Variants in OSBPL2 observed in about 807,000 individuals in gnomAD.
OSBPL2 encodes the protein oxysterol binding protein like 2, also known as oxysterol-binding protein-related protein 2.
Under a neutral mutation model 58.4 loss-of-function variants are expected in OSBPL2, and 18 were observed. That is an observed-to-expected ratio of 0.31 (90% CI 0.21 to 0.46). The LOEUF (loss-of-function observed/expected upper bound fraction) is 0.46, where lower values mean the gene tolerates loss of function less well. Among genes scored for constraint, OSBPL2 ranks in the 20% least tolerant of loss-of-function variants. The pLI is 1.00. For missense variants in OSBPL2, 461 were observed against 616.5 expected (o/e 0.75, Z 2.67); for synonymous variants, 221 against 234.1 (o/e 0.94, Z 0.51).
intron 4 of OSBPL2, chr20:62,264,677 A>T (rs1981555215): frequency 6.6e-6 from 1 of 152,078 alleles, no homozygotes; most frequent in South Asian, 2.1e-4. Context: ...TAGACCCACC[A>T]CCCAGCTCCC....
chr20:62,291,464 C>T, intron 12 of OSBPL2: 1 of 530,358 alleles, frequency 1.9e-6, no homozygotes, highest in East Asian at 3.4e-5. Context: ...TGTCGTAGAA[C>T]ACGCAGCACA....
At chr20:62,240,131 GT>G (rs1198803213) in intron 1 of OSBPL2, among the ~76,000 whole-genome samples, 1 of 152,256 alleles carries the variant, frequency 6.6e-6, no homozygotes, top group African/African-American at 2.4e-5. Context: ...AGGATTCCAG[GT>G]GCGAGCCACC....
rs1982196511 is a variant in OSBPL2, at chr20:62,273,465, T to A, written c.491+59T>A. On this transcript the variant is annotated intron_variant, in intron 6 of 13. Transcript: ENST00000313733. Reference sequence around the variant, plus strand: ...TAAATGGAATTCCTTGGATGACAGATAAGTTTGATTCTTTCACTAGCATTG... The same window carrying A: ...TAAATGGAATTCCTTGGATGACAGAAAAGTTTGATTCTTTCACTAGCATTG... The A allele has an allele frequency of 3.2e-6, 4 of 1,265,872 alleles. No individual in the cohort carries two copies. The South Asian group carries it at 5.0e-5, about 16-fold the overall frequency. 78.4% of individuals were successfully genotyped at this position (1,265,872 alleles called of 1,614,324 possible).
At position 62,294,135 on chromosome 20, in the gene OSBPL2, A is replaced by G. The variant is rs1983713743; in HGVS notation, c.*248A>G. The G allele has an allele frequency of 7.2e-6, 4 of 553,380 alleles. No individual in the cohort carries two copies. The highest frequency in any genetic ancestry group is 3.7e-5 in the Admixed American group (1 of 26,844). 34.3% of individuals were successfully genotyped at this position (553,380 alleles called of 1,614,324 possible). On this transcript the variant is annotated 3_prime_UTR_variant, in exon 14 of 14. Coordinates refer to ENST00000313733, the MANE Select transcript of OSBPL2 (RefSeq NM_144498.4). ...TCTTCATTAAGGTTTCAACAGGGAA[A>G]TTCTTCACGGCGCCCTTTTATGTGG...
rs1191839742 is a variant in OSBPL2 at position 62,288,584 on chromosome 20, GAGGCTGTGGGTGCAGAGGCCGA to G, written c.1126-607_1126-586del. ...CGGAGGCTGTGGGTGCAGAGGCTGG[GAGGCTGTGGGTGCAGAGGCCGA>G]AGGCTGTGGGTGCAGGGTGCTGCCG... On this transcript the variant is annotated intron_variant, in intron 11 of 13. Coordinates refer to ENST00000313733, the MANE Select transcript of OSBPL2 (RefSeq NM_144498.4). The surrounding 1 kb of genome is among the most constrained non-coding windows in gnomAD (Gnocchi z 4.8). Among the ~76,000 whole-genome samples, 6 of 151,304 alleles carry G rather than the reference GAGGCTGTGGGTGCAGAGGCCGA, an allele frequency of 4.0e-5. No homozygotes were observed. Among genetic ancestry groups the G allele is most frequent in the South Asian group, 2.1e-4 (1 of 4,804 alleles).
At chr20:62,253,493 C>T (rs113087727) in intron 1 of OSBPL2, among the ~76,000 whole-genome samples, 4,606 of 152,264 alleles carry the variant, frequency 0.03, 97 homozygotes, top group Non-Finnish European at 0.045. Context: ...CTGAGTCATT[C>T]GGTGAGAGCC....
intron 5 of OSBPL2, 108 bp downstream of exon 5, chr20:62,272,367 C>T (rs1218418358): frequency 1.6e-6 from 2 of 1,220,994 alleles, no homozygotes; most frequent in African/African-American, 1.5e-5. Context: ...TCGCACAGCT[C>T]CCCCCAGTGT....
At chr20:62,265,728 A>G (rs1981620019) in intron 4 of OSBPL2, among the ~76,000 whole-genome samples, 2 of 152,180 alleles carry the variant, frequency 1.3e-5, no homozygotes, top group African/African-American at 2.4e-5. Context: ...TTTTTTGTAC[A>G]TTTTTGACTA....
chr20:62,252,709 G>A (rs914468365), intron 1 of OSBPL2, among the ~76,000 whole-genome samples: 1 of 152,240 alleles, frequency 6.6e-6, no homozygotes, highest in Non-Finnish European at 1.5e-5. Flanking sequence ...TAATTAGGTC[G>A]CGGTTCTGCT....
At chr20:62,280,251 GC>G in intron 7 of OSBPL2, 2 of 584,098 alleles carry the variant, frequency 3.4e-6, no homozygotes, top group Non-Finnish European at 5.3e-6. Flanking sequence ...CTTCACATTG[GC>G]CCTGCCTGGA....
At chr20:62,282,695 C>T (rs1184407972) in intron 9 of OSBPL2, among the ~76,000 whole-genome samples, 3 of 152,136 alleles carry the variant, frequency 2.0e-5, no homozygotes, top group Admixed American at 6.5e-5. Context: ...GGTGTGATGG[C>T]GCACATCTGT....
chr20:62,254,990 T>C (rs2145926030), intron 1 of OSBPL2, among the ~76,000 whole-genome samples: 1 of 152,334 alleles, frequency 6.6e-6, no homozygotes, highest in Non-Finnish European at 1.5e-5. Context: ...TTCCAGCCTC[T>C]GGTGAATGTT....
rs1429814564 is a variant in OSBPL2 at position 62,272,220 on chromosome 20, C to T, written c.354C>T (p.His118=). The change falls in exon 5 of 14, where the codon CAC becomes CAT. Residue 118 remains histidine, a synonymous_variant. Coordinates refer to ENST00000313733, the MANE Select transcript of OSBPL2 (RefSeq NM_144498.4). ...TEYMEHVYLI[H]RASCQPQPLE... Reference sequence around the variant, plus strand: ...ACATGGAGCACGTGTACCTCATCCACAGGGCCTCCTGCCAGCCCCAGCCCC... The same window carrying T: ...ACATGGAGCACGTGTACCTCATCCATAGGGCCTCCTGCCAGCCCCAGCCCC... The T allele has an allele frequency of 4.3e-6, 7 of 1,613,598 alleles. No homozygotes were observed. In the Admixed American group the frequency reaches 8.3e-5, roughly 19 times the overall value.
chr20:62,247,590 G>A (rs1455909285), intron 1 of OSBPL2, among the ~76,000 whole-genome samples: 1 of 152,080 alleles, frequency 6.6e-6, no homozygotes, highest in Admixed American at 6.6e-5. Context: ...TCAGGAGGAG[G>A]CAGGAGGAGG....
chr20:62,286,459 A>T, intron 10 of OSBPL2, 124 bp from the exon 11 acceptor site: 1 of 1,142,530 alleles, frequency 8.8e-7, no homozygotes. Flanking sequence ...GAAAAAAAAA[A>T]AAAGGAGAAG....
chr20:62,259,600 G>A (rs1356798063), intron 2 of OSBPL2, among the ~76,000 whole-genome samples: 2 of 152,314 alleles, frequency 1.3e-5, no homozygotes, highest in African/African-American at 4.8e-5. Flanking sequence ...CACAACGGGC[G>A]CATCGCAGCC....
chr20:62,248,013 G>A (rs191394546), intron 1 of OSBPL2, among the ~76,000 whole-genome samples: 9 of 151,970 alleles, frequency 5.9e-5, no homozygotes, highest in Admixed American at 5.2e-4. Context: ...TAGTGGGAAC[G>A]TTTTCCCTTT....
Position 62,281,067 on chromosome 20 carries a change from A to G in OSBPL2, c.684A>G (p.Glu228=). 1 of 1,613,468 alleles carries G rather than the reference A, an allele frequency of 6.2e-7. No individual in the cohort carries two copies. The highest frequency in any genetic ancestry group is 1.1e-5 in the South Asian group (1 of 91,074). The change falls in exon 8 of 14, where the codon GAA becomes GAG. Residue 228 remains glutamate (E), a synonymous_variant. Coordinates refer to ENST00000313733, the MANE Select transcript of OSBPL2 (RefSeq NM_144498.4). ...TCTGGTGTCTTCACAGACATAATGA[A>G]GCCTACACCTGGACCAACCCCACCT... ...TITLELLKHN[E]AYTWTNPTCC... is the part of the protein sequence containing the mutation.
intron 12 of OSBPL2, 127 bp from the exon 13 acceptor site, chr20:62,291,576 C>A: frequency 1.2e-6 from 1 of 827,948 alleles, no homozygotes; most frequent in Non-Finnish European, 2.0e-6. Flanking sequence ...CTCCCGATCA[C>A]AGAACCTGTT....
Sources: allele counts gnomAD v4.1 joint callset (sites outside exome capture counted in the v4.1 genomes callset), GRCh38; gene constraint gnomAD v4.1.1; non-coding constraint Gnocchi (gnomAD v3.1); transcripts MANE v1.5; gene names NCBI Gene and HGNC (gene_info 2026-07-23, HGNC 2026-07-21).